The following CSRNP1 variants were observed in gnomAD, a reference collection of about 807,000 sequenced individuals.
CSRNP1 encodes cysteine and serine rich nuclear protein 1, also known as cysteine/serine-rich nuclear protein 1.
Under a neutral mutation model 25.0 loss-of-function variants are expected in CSRNP1, and 8 were observed. The ratio of observed to expected loss-of-function variants is 0.32; its 90% CI spans 0.19 to 0.58. The LOEUF is 0.58. Among genes scored for constraint, CSRNP1 ranks in the 20% least tolerant of loss-of-function variants. CSRNP1 has a pLI of 0.88. For missense variants in CSRNP1, 691 were observed against 773.1 expected, an observed-to-expected ratio of 0.89 and a Z score of 1.26; for synonymous variants, 305 against 303.1, an observed-to-expected ratio of 1.01 and a Z score of -0.06.
intron 1 of CSRNP1, chr3:39,150,805 G>C (rs1334429254): frequency 6.6e-6 from 1 of 152,300 alleles, no homozygotes; most frequent in Non-Finnish European, 1.5e-5. Flanking sequence ...CAGGGAAACA[G>C]AGACACAGGG....
In CSRNP1 at chr3:39,142,044, T is replaced by C. The variant is rs1289023437; in HGVS notation, c.*1011A>G. The C allele has an allele frequency of 6.6e-6, 1 of 152,596 alleles. No homozygotes were observed. The highest frequency in any genetic ancestry group is 1.5e-5 in the Non-Finnish European group (1 of 68,040). 9.5% of individuals were successfully genotyped at this position (152,596 alleles called of 1,614,324 possible). A position where few individuals can be genotyped will look rare whatever the true frequency, so the allele number is the denominator to read the frequency against. On this transcript the variant is annotated 3_prime_UTR_variant, in exon 5 of 5. Transcript: ENST00000273153. ...ACAATGTAGAAATTATGATGCAAAATTAAACATTAGCAAACAAAGGGTATA... is the reference window on the plus strand; with the variant it reads ...ACAATGTAGAAATTATGATGCAAAACTAAACATTAGCAAACAAAGGGTATA...
At position 39,147,235 on chromosome 3, in the gene CSRNP1, G is replaced by GTGTGTA. The variant is rs1553689795; in HGVS notation, c.-40-514_-40-513insTACACA. Among the ~76,000 whole-genome samples the GTGTGTA allele has an allele frequency of 5.4e-5, 8 of 149,370 alleles. No individual in the cohort carries two copies. The East Asian group carries it at 6.1e-4, about 11-fold the overall frequency. On this transcript the variant is annotated intron_variant, in intron 1 of 4. Coordinates refer to ENST00000273153, the MANE Select transcript of CSRNP1 (RefSeq NM_033027.4). ...CCTGTGTGTGTGTGTGTGTGTGTGT[G>GTGTGTA]TATGTGTGTGTGTGTACGCCCTACA...
Position 39,143,876 on chromosome 3 carries a change from G to C in CSRNP1, c.949C>G (p.Gln317Glu), listed in dbSNP as rs1474093338. 6.2e-7 allele frequency: 1 copy of C among 1,614,114 alleles called. No individual in the cohort carries two copies. Among genetic ancestry groups the C allele is most frequent in the Non-Finnish European group, 8.5e-7 (1 of 1,180,034 alleles). The change falls in exon 5 of 5, where the codon CAG becomes GAG. Residue 317 changes from glutamine (Q) to glutamate (E), a missense_variant. Transcript: ENST00000273153. ...TCACCAGGGCTGGGTGGGCTGCCCT[G>C]GGCAGGGGCCTCCAGCTCCCTAAAG... ...ESFRELEAPA[Q>E]GSPPSPGEEA... is the part of the protein sequence containing the mutation.
In CSRNP1 at chr3:39,143,423, C is replaced by T. The variant is rs1196358589; in HGVS notation, c.1402G>A (p.Gly468Ser). 6.2e-7 allele frequency: 1 copy of T among 1,614,194 alleles called. No homozygotes were observed. The highest frequency in any genetic ancestry group is 1.3e-5 in the African/African-American group (1 of 75,070). ...CCTTCCCTTGACCCTTCAAGGCCAC[C>T]ATTTAGGAAGCAGCTGGCATCCAGG... ...ANLDASCFLN[G>S]GLEGSREGSL... Residue 468 changes from glycine to serine, a missense_variant, in exon 5 of 5, where the codon GGT (glycine) becomes AGT (serine). Physicochemically the swap from Gly to Ser is moderately conservative, Grantham distance 56 (BLOSUM62 0). Coordinates refer to ENST00000273153, the MANE Select transcript of CSRNP1 (RefSeq NM_033027.4).
At chr3:39,154,256 G>C (rs1190159411), upstream of CSRNP1, 1 of 152,172 alleles carries the variant, frequency 6.6e-6, no homozygotes, top group Non-Finnish European at 1.5e-5. Flanking sequence ...CAAACTAGGG[G>C]TTCTTAGAAC....
intron 2 of CSRNP1, 96 bp from the exon 3 acceptor site, chr3:39,145,352 C>G (rs1036583033): frequency 2.9e-6 from 4 of 1,368,952 alleles, no homozygotes; most frequent in African/African-American, 1.4e-5. Flanking sequence ...CGCCTCCCAC[C>G]TTTTCCCTCC....
At position 39,153,475 on chromosome 3, in the gene CSRNP1, CCG is replaced by C; in HGVS notation, c.-80_-79del. On this transcript the variant is annotated 5_prime_UTR_variant, in exon 1 of 5. Transcript: ENST00000273153. Reference sequence around the variant, plus strand: ...CGCTCGCGGAGGACAACGACGCGACCCGCGTCCCGGCCGGGGACGCCCCCTGC... The same window carrying C: ...CGCTCGCGGAGGACAACGACGCGACCCGTCCCGGCCGGGGACGCCCCCTGC... The C allele has an allele frequency of 6.3e-6, 2 of 319,814 alleles. No individual in the cohort carries two copies. The highest frequency in any genetic ancestry group is 1.3e-5 in the Non-Finnish European group (2 of 152,090). The allele number at this position is 319,814 out of a possible 1,614,324, so 19.8% of individuals were successfully genotyped here.
At chr3:39,148,210 G>C (rs2039543003) in intron 1 of CSRNP1, 1 of 152,136 alleles carries the variant, frequency 6.6e-6, no homozygotes, top group Admixed American at 6.5e-5. Context: ...GATGTTTCCG[G>C]GGGCTTCTCC....
Sources: gnomAD v4.1 joint callset for allele counts (sites outside exome capture counted in the v4.1 genomes callset) on GRCh38, gnomAD v4.1.1 for gene constraint, MANE v1.5 for transcripts, NCBI Gene and HGNC (gene_info 2026-07-23, HGNC 2026-07-21) for gene names.